The following PHF24 variants were observed in gnomAD, a reference collection of about 807,000 sequenced individuals.
The protein encoded by PHF24 is PHD finger protein 24.
A neutral mutation model predicts 42.6 loss-of-function variants in PHF24; 25 were observed. That is an observed-to-expected ratio of 0.59 (90% CI 0.43 to 0.82). The LOEUF (loss-of-function observed/expected upper bound fraction) is 0.82, where lower values mean the gene tolerates loss of function less well. Among genes scored for constraint, PHF24 ranks in the 40% least tolerant of loss-of-function variants. The pLI, the probability that PHF24 is intolerant of heterozygous loss-of-function variation, is 0.00. For synonymous variants in PHF24, 185 were observed against 204.8 expected (o/e 0.90, Z 0.83); for missense variants, 470 against 538.1 (o/e 0.87, Z 1.25).
At chr9:34,797,129 G>A in the PHF24 span, among the ~76,000 whole-genome samples, 1 of 152,222 alleles carries the variant, frequency 6.6e-6, no homozygotes, top group African/African-American at 2.4e-5. Flanking sequence ...CGATGGGGGT[G>A]TGGCTTGCTT....
the PHF24 span, among the ~76,000 whole-genome samples, chr9:34,891,606 A>G: frequency 6.6e-6 from 1 of 152,244 alleles, no homozygotes; most frequent in Non-Finnish European, 1.5e-5. Context: ...CTTTTGGATC[A>G]GGTCCCAGCA....
At chr9:34,965,026 T>C (rs1055596806) in intron 1 of PHF24, among the ~76,000 whole-genome samples, 2 of 152,236 alleles carry the variant, frequency 1.3e-5, no homozygotes, top group African/African-American at 4.8e-5. Flanking sequence ...GTGGGATCTT[T>C]GCAACTTGAT....
intron 1 of PHF24, among the ~76,000 whole-genome samples, chr9:34,964,510 T>C (rs986845768): frequency 1.3e-5 from 2 of 152,234 alleles, no homozygotes; most frequent in Non-Finnish European, 2.9e-5. Context: ...TCTGAATCTT[T>C]ATACAGAGTG....
At chr9:34,762,747 G>T in the PHF24 span, among the ~76,000 whole-genome samples, 1 of 151,912 alleles carries the variant, frequency 6.6e-6, no homozygotes, top group African/African-American at 2.4e-5. Flanking sequence ...ATTGCTTTTG[G>T]TGTTTTAGAC....
At chr9:34,736,385 T>G in the PHF24 span, among the ~76,000 whole-genome samples, 2 of 152,186 alleles carry the variant, frequency 1.3e-5, no homozygotes, top group Non-Finnish European at 2.9e-5. Context: ...TGGCTCACTG[T>G]AGCCTCGACC....
rs1826488600 is a variant in PHF24 at position 34,958,850 on chromosome 9, A to AC, written c.-5+450dup. On this transcript the variant is annotated intron_variant, in intron 1 of 7. Transcript: ENST00000242315. The surrounding 1 kb of genome is among the most constrained non-coding windows in gnomAD (Gnocchi z 4.5). The stretch of plus-strand genomic sequence containing the variant: ...GGAGGACCTGAGACTGTGCCCTAGA[A>AC]CTGTGGGAAGCAACCTCTGACTGGG... 6.6e-6 allele frequency among the ~76,000 whole-genome samples: 1 copy of AC among 152,098 alleles called. No homozygotes were observed. The highest frequency in any genetic ancestry group is 2.1e-4 in the South Asian group (1 of 4,826).
the PHF24 span, among the ~76,000 whole-genome samples, chr9:34,920,048 T>A: frequency 6.6e-6 from 1 of 152,174 alleles, no homozygotes; most frequent in African/African-American, 2.4e-5. Flanking sequence ...ATATACTAAT[T>A]TTCTTTCTTT....
chr9:34,953,426 C>A (rs952614703), upstream of PHF24, among the ~76,000 whole-genome samples: 1 of 152,198 alleles, frequency 6.6e-6, no homozygotes, highest in Non-Finnish European at 1.5e-5. This position sits in a 1 kb window ranked among gnomAD's most constrained non-coding sequence, Gnocchi z 4.1. Flanking sequence ...GTGTGAGTCA[C>A]CGCATCCAGC....
chr9:34,977,353 C>A, intron 6 of PHF24, 110 bp downstream of exon 6: 1 of 1,357,686 alleles, frequency 7.4e-7, no homozygotes, highest in African/African-American at 1.4e-5. Context: ...GAGAGAGGAG[C>A]CTCCTGTGCA....
chr9:34,710,416 C>A, the PHF24 span, among the ~76,000 whole-genome samples: 1 of 151,924 alleles, frequency 6.6e-6, no homozygotes, highest in African/African-American at 2.4e-5. Context: ...CTCCAGGATC[C>A]ATACCCTTCC....
chr9:34,691,524 G>T, the PHF24 span, among the ~76,000 whole-genome samples: 1 of 152,232 alleles, frequency 6.6e-6, no homozygotes, highest in South Asian at 2.1e-4. Flanking sequence ...GAGAGGGATT[G>T]CCCTGTCATC....
chr9:34,826,120 C>T, the PHF24 span, among the ~76,000 whole-genome samples: 1 of 152,108 alleles, frequency 6.6e-6, no homozygotes, highest in East Asian at 1.9e-4. Flanking sequence ...CTGGATCTCA[C>T]TGGCCTCTTC....
the PHF24 span, among the ~76,000 whole-genome samples, chr9:34,812,820 G>A: frequency 2.6e-5 from 4 of 152,134 alleles, no homozygotes; most frequent in Non-Finnish European, 5.9e-5. Context: ...GAACTATCCC[G>A]ATTGTTCCTT....
At chr9:34,722,360 C>T in the PHF24 span, among the ~76,000 whole-genome samples, 9 of 152,280 alleles carry the variant, frequency 5.9e-5, no homozygotes, top group South Asian at 1.9e-3. Context: ...CTGCCATTCA[C>T]TGAAGTGAGA....
chr9:34,826,744 G>GA, the PHF24 span, among the ~76,000 whole-genome samples: 1 of 152,144 alleles, frequency 6.6e-6, no homozygotes, highest in Admixed American at 6.5e-5. Context: ...CATTCACCAT[G>GA]ACATGTTGTT....
the PHF24 span, among the ~76,000 whole-genome samples, chr9:34,911,077 G>T: frequency 1.3e-5 from 2 of 151,726 alleles, no homozygotes; most frequent in Non-Finnish European, 2.9e-5. Context: ...TCCCACCTTG[G>T]CCTCCGAAAG....
chr9:34,917,126 G>C, the PHF24 span: 2 of 858,872 alleles, frequency 2.3e-6, no homozygotes, highest in African/African-American at 1.6e-5. Flanking sequence ...TCGCTCTCGC[G>C]GCCTACCTTT....
chr9:34,941,765 C>T, the PHF24 span, among the ~76,000 whole-genome samples: 2 of 152,144 alleles, frequency 1.3e-5, no homozygotes, highest in Non-Finnish European at 2.9e-5. Context: ...AACAAGCTCC[C>T]TTGGGCCCCT....
chr9:34,669,542 G>A, the PHF24 span, among the ~76,000 whole-genome samples: 3 of 151,364 alleles, frequency 2.0e-5, no homozygotes, highest in African/African-American at 4.9e-5. Context: ...CTGTGAGACT[G>A]TGTGTGAGGT....
Sources: gnomAD v4.1 joint callset for allele counts (sites outside exome capture counted in the v4.1 genomes callset) on GRCh38, gnomAD v4.1.1 for gene constraint, Gnocchi (gnomAD v3.1) non-coding constraint, MANE v1.5 for transcripts, NCBI Gene and HGNC (gene_info 2026-07-23, HGNC 2026-07-21) for gene names.